The following STK32A variants were observed in gnomAD, a reference collection of about 807,000 sequenced individuals.
STK32A encodes the protein serine/threonine-protein kinase 32A.
STK32A carries 41 observed loss-of-function variants against 53.2 expected under a neutral mutation model. The ratio of observed to expected loss-of-function variants is 0.77; its 90% CI spans 0.60 to 1.00. The LOEUF (loss-of-function observed/expected upper bound fraction) is 1.00. Ranked by LOEUF, STK32A falls within the 50% of genes least tolerant of loss-of-function variation. STK32A has a pLI of 0.00. For missense variants in STK32A, 458 were observed against 485.8 expected (o/e 0.94, Z 0.54); for synonymous variants, 166 against 162.8 (o/e 1.02, Z -0.15).
At chr5:147,326,148 C>T (rs1754576492) in intron 5 of STK32A, among the ~76,000 whole-genome samples, 2 of 152,208 alleles carry the variant, frequency 1.3e-5, no homozygotes, top group Non-Finnish European at 2.9e-5. Flanking sequence ...AAGGAGCTTA[C>T]TAACACCCAA....
intron 11 of STK32A, chr5:147,375,446 G>A: frequency 2.4e-6 from 1 of 408,342 alleles, no homozygotes; most frequent in East Asian, 4.4e-5. Context: ...CCATTAACTT[G>A]ACTCAGTTAT....
At chr5:147,355,788 G>GTATATATATATA (rs1354487817) in intron 7 of STK32A, among the ~76,000 whole-genome samples, 2,226 of 137,078 alleles carry the variant, frequency 0.016, 71 homozygotes, top group African/African-American at 0.056. Flanking sequence ...GTGAGTGTGT[G>GTATATATATATA]TGTGTATATA....
At chr5:147,322,304 A>G (rs17106430) in intron 4 of STK32A, among the ~76,000 whole-genome samples, 12,794 of 152,250 alleles carry the variant, frequency 0.084, 1,125 homozygotes, top group African/African-American at 0.22. Context: ...AAATTTTTCC[A>G]AGACGTATTC....
chr5:147,397,614 G>A, the STK32A span: 6,113 of 1,563,986 alleles, frequency 3.9e-3, 199 homozygotes, highest in African/African-American at 0.07. Flanking sequence ...ATCTCTGAGC[G>A]TGAGTGGAAC....
chr5:147,350,048 T>C (rs1052083796), intron 6 of STK32A, among the ~76,000 whole-genome samples: 4 of 151,364 alleles, frequency 2.6e-5, no homozygotes, highest in Non-Finnish European at 5.9e-5. Flanking sequence ...GAGGCGGAGA[T>C]TGCAGTGAGC....
At chr5:147,394,947 T>G in the STK32A span, among the ~76,000 whole-genome samples, 1 of 152,326 alleles carries the variant, frequency 6.6e-6, no homozygotes, top group Non-Finnish European at 1.5e-5. Context: ...GAATCTACAT[T>G]TATTTTTCTC....
intron 4 of STK32A, among the ~76,000 whole-genome samples, chr5:147,320,293 T>C (rs760938244): frequency 6.6e-6 from 1 of 152,184 alleles, no homozygotes; most frequent in African/African-American, 2.4e-5. Flanking sequence ...TTCTTTTTTC[T>C]TTTTACTTCT....
chr5:147,297,978 C>CAAAAA lies in STK32A; in HGVS notation c.260+18591_260+18595dup, dbSNP rs60657537. Among the ~76,000 whole-genome samples the CAAAAA allele has an allele frequency of 2.5e-3, 339 of 135,906 alleles. 5 individuals carry two copies. The highest frequency in any genetic ancestry group is 4.0e-3 in the African/African-American group (143 of 35,946). 89.2% of individuals were successfully genotyped at this position (135,906 alleles called of 152,430 possible). ...CTGGTGACAGAGCAAGACTCTGTCT[C>CAAAAA]AAAAAAAAAAAAAAATACTATCTGA... is the stretch of plus-strand genomic sequence containing the variant. On this transcript the variant is annotated intron_variant, in intron 4 of 12. Transcript: ENST00000397936.
chr5:147,400,938 G>T, the STK32A span: 2 of 1,408,842 alleles, frequency 1.4e-6, no homozygotes, highest in Non-Finnish European at 1.9e-6. Flanking sequence ...TGACTATTTG[G>T]GTTTGGAATG....
chr5:147,324,915 T>C (rs894882721), intron 5 of STK32A, among the ~76,000 whole-genome samples: 4 of 152,202 alleles, frequency 2.6e-5, no homozygotes, highest in African/African-American at 9.6e-5. Flanking sequence ...AGGTACTTTA[T>C]GTACATTAGT....
Position 147,386,857 on chromosome 5 carries a change from ACTTTTC to A in STK32A, c.*2877_*2882del, listed in dbSNP as rs1757661193. 1 of 152,196 alleles carries A rather than the reference ACTTTTC, an allele frequency of 6.6e-6. No homozygotes were observed. Among genetic ancestry groups the A allele is most frequent in the South Asian group, 2.1e-4 (1 of 4,832 alleles). The allele number at this position is 152,196 out of a possible 1,614,324, so 9.4% of individuals were successfully genotyped here. On this transcript the variant is annotated 3_prime_UTR_variant, in exon 13 of 13. Coordinates refer to ENST00000397936, the MANE Select transcript of STK32A (RefSeq NM_001112724.2). ...AACAAAAAACTTTTCCAAAATTTAA[ACTTTTC>A]CTAAATCTTTGTGGTCATTGCTAGT...
At chr5:147,327,874 G>C (rs1223469457) in intron 5 of STK32A, among the ~76,000 whole-genome samples, 1 of 152,196 alleles carries the variant, frequency 6.6e-6, no homozygotes, top group Admixed American at 6.5e-5. Flanking sequence ...CCTATGCATG[G>C]CCACCTGCCT....
At chr5:147,269,618 TTTAC>T (rs1238431445) in intron 2 of STK32A, among the ~76,000 whole-genome samples, 1 of 152,138 alleles carries the variant, frequency 6.6e-6, no homozygotes, top group Non-Finnish European at 1.5e-5. Flanking sequence ...ATGCAAGACT[TTTAC>T]TTGATTTTTT....
chr5:147,383,316 G>A, intron 11 of STK32A, 125 bp from the exon 12 acceptor site: 2 of 776,266 alleles, frequency 2.6e-6, no homozygotes, highest in South Asian at 1.7e-5. Context: ...CCATTTTGAA[G>A]ATACTACTTA....
At chr5:147,305,821 T>G (rs2151968298) in intron 4 of STK32A, among the ~76,000 whole-genome samples, 2 of 152,036 alleles carry the variant, frequency 1.3e-5, no homozygotes, top group Middle Eastern at 6.8e-3. Flanking sequence ...TTTCGCAGAG[T>G]ACTACTATTA....
intron 7 of STK32A, among the ~76,000 whole-genome samples, chr5:147,352,055 A>G (rs1320505010): frequency 6.6e-6 from 1 of 152,156 alleles, no homozygotes; most frequent in African/African-American, 2.4e-5. Flanking sequence ...TTTAAAGATA[A>G]GGAAATTCTG....
At chr5:147,351,489 C>T (rs1755974728) in intron 7 of STK32A, among the ~76,000 whole-genome samples, 1 of 152,054 alleles carries the variant, frequency 6.6e-6, no homozygotes, top group African/African-American at 2.4e-5. Flanking sequence ...CTGTAGAAAG[C>T]AACACAGACA....
At chr5:147,364,048 T>A (rs984778834) in intron 8 of STK32A, among the ~76,000 whole-genome samples, 2 of 151,924 alleles carry the variant, frequency 1.3e-5, no homozygotes, top group Non-Finnish European at 2.9e-5. Context: ...AAACCCCATC[T>A]GTACTAAAAA....
chr5:147,305,347 A>G (rs551734251), intron 4 of STK32A, among the ~76,000 whole-genome samples: 1 of 152,280 alleles, frequency 6.6e-6, no homozygotes, highest in South Asian at 2.1e-4. Flanking sequence ...CTCCCCCTGC[A>G]AACAGCGCGA....
Sources: allele counts gnomAD v4.1 joint callset (sites outside exome capture counted in the v4.1 genomes callset), GRCh38; gene constraint gnomAD v4.1.1; transcripts MANE v1.5; gene names NCBI Gene and HGNC (gene_info 2026-07-23, HGNC 2026-07-21).